EHMT2: variants seen among roughly 807,000 people sequenced by gnomAD.
EHMT2 encodes the protein histone-lysine N-methyltransferase EHMT2.
EHMT2 carries 59 observed loss-of-function variants against 143.3 expected under a neutral mutation model. The observed-to-expected ratio is 0.41, with a 90% CI of 0.33 to 0.51. The LOEUF (loss-of-function observed/expected upper bound fraction) is 0.51, where lower values mean the gene tolerates loss of function less well. EHMT2 is among the 20% of genes least tolerant of loss of function. The pLI, the probability that EHMT2 is intolerant of heterozygous loss-of-function variation, is 0.18. For missense variants in EHMT2, 1,174 were observed against 1,645.9 expected (o/e 0.71, Z 4.96); for synonymous variants, 604 against 651.5 (o/e 0.93, Z 1.11).
chr6:31,887,955 C>A (rs770053575), exon 14 of EHMT2: 1 of 1,593,004 alleles, frequency 6.3e-7, no homozygotes, highest in African/African-American at 1.3e-5. Context: ...GCCCTCGCAT[C>A]CGGGCACTGT....
intron 4 of EHMT2, chr6:31,895,450 A>T (rs147257059): frequency 6.6e-6 from 1 of 151,130 alleles, no homozygotes; most frequent in African/African-American, 2.4e-5. Context: ...GCCCAGAGTC[A>T]GCCTGTTTTT....
chr6:31,889,013 G>A lies in EHMT2; in HGVS notation c.1172C>T (p.Ser391Phe), dbSNP rs1243284523. Residue 391 changes from serine (S) to phenylalanine (F), a missense_variant, in exon 10 of 28, where the codon TCC becomes TTC. Physicochemically the swap from Ser to Phe is radical, Grantham distance 155. Around this residue, in one of 6 missense-constraint regions of EHMT2, gnomAD observed 608 missense variants for 903.7 expected, o/e 0.67. Transcript: ENST00000375537. The surrounding 1 kb of genome is among the most constrained non-coding windows in gnomAD (Gnocchi z 5.1). ...GGTCCCCTCGCTGGGCAGCTCCAGG[G>A]ACCCCAGAGGGACCTCCATGTACTC... The A allele has an allele frequency of 5.6e-6, 9 of 1,601,166 alleles. No individual in the cohort carries two copies. The highest frequency in any genetic ancestry group is 6.8e-6 in the Non-Finnish European group (8 of 1,176,188).
rs770761450 is a variant in EHMT2, at chr6:31,884,470, C to G, written c.2693G>C (p.Trp898Ser). The change falls in exon 21 of 28, where the codon TGG becomes TCG. Residue 898 changes from tryptophan (W) to serine (S), a missense_variant. Coordinates refer to ENST00000375537, the Ensembl canonical transcript of EHMT2. The surrounding 1 kb of genome is among the most constrained non-coding windows in gnomAD (Gnocchi z 7.3). The stretch of plus-strand genomic sequence containing the variant: ...CTTGCGGTTGAGTTGAAGCGCAAAC[C>G]ACACGTCGGAGCGCTCGGGAGTCAG... The G allele has an allele frequency of 1.3e-5, 21 of 1,612,866 alleles. No individual in the cohort carries two copies. In the South Asian group the frequency reaches 2.1e-4, roughly 16 times the overall value.
intron 4 of EHMT2, 73 bp downstream of exon 4, chr6:31,896,190 G>C (rs1328395689): frequency 2.6e-6 from 4 of 1,529,760 alleles, no homozygotes; most frequent in Middle Eastern, 1.8e-4. Flanking sequence ...TGGAGTAGAA[G>C]CCTTAAGTGA....
chr6:31,891,099 C>A (rs1015761558), intron 7 of EHMT2, among the ~76,000 whole-genome samples: 1 of 151,964 alleles, frequency 6.6e-6, no homozygotes, highest in African/African-American at 2.4e-5. Context: ...CGTACCACTA[C>A]GTCCAGCTAA....
rs148424397 is a variant in EHMT2 at position 31,883,395 on chromosome 6, G to A, written c.2961C>T (p.Cys987=). Reference sequence around the variant, plus strand: ...ACCAGCACCGGATGCTGAGCTGGCCGCACAGGCAGTTGGAGCTAGAGCAGT... The same window carrying A: ...ACCAGCACCGGATGCTGAGCTGGCCACACAGGCAGTTGGAGCTAGAGCAGT... Residue 987 remains cysteine (C), a synonymous_variant, in exon 23 of 28, where the codon TGC becomes TGT. Coordinates refer to ENST00000375537, the Ensembl canonical transcript of EHMT2. The surrounding 1 kb of genome is among the most constrained non-coding windows in gnomAD (Gnocchi z 5.6). The A allele has an allele frequency of 1.2e-3, 1,999 of 1,612,886 alleles. 13 individuals are homozygous for A. Among genetic ancestry groups the A allele is most frequent in the Non-Finnish European group, 1.5e-3 (1,816 of 1,179,942 alleles).
chr6:31,894,016 C>G (rs1188009076), intron 4 of EHMT2, among the ~76,000 whole-genome samples: 4 of 151,986 alleles, frequency 2.6e-5, no homozygotes, highest in Non-Finnish European at 4.4e-5. Context: ...ACTCTGTTGC[C>G]CAAGCTGGAG....
At position 31,896,598 on chromosome 6, in the gene EHMT2, C is replaced by G. The variant is rs558127772; in HGVS notation, c.328+8G>C. ...CCCACCAACCCCCCAGGCTACCCAG[C>G]CTCTCACCCAGCAGGATCCGGCCCC... On this transcript the variant is annotated splice_region_variant and intron_variant, in intron 3 of 27. Transcript: ENST00000375537. The G allele has an allele frequency of 6.3e-7, 1 of 1,586,532 alleles. No individual in the cohort carries two copies. Among genetic ancestry groups the G allele is most frequent in the South Asian group, 1.2e-5 (1 of 86,144 alleles).
rs751337028 is a variant in EHMT2 at position 31,896,994 on chromosome 6, G to C, written c.43-5C>G. 4 of 1,564,486 alleles carry C rather than the reference G, an allele frequency of 2.6e-6. No homozygotes were observed. Among genetic ancestry groups the C allele is most frequent in the Non-Finnish European group, 3.4e-6 (4 of 1,159,852 alleles). ...CATCTCAGCGGGGGCCTCCCCCTGG[G>C]AGGGGAGACAAGGGACAGGAGGGCT... On this transcript the variant is annotated splice_polypyrimidine_tract_variant and splice_region_variant and intron_variant, in intron 1 of 27. Transcript: ENST00000375537.
At chr6:31,886,086 C>CAA (rs35648327) in intron 18 of EHMT2, 17 of 102,512 alleles carry the variant, frequency 1.7e-4, no homozygotes, top group Admixed American at 3.2e-4. Flanking sequence ...GACTCCGTCT[C>CAA]AAAAAAAAAA....
intron 18 of EHMT2, 156 bp from the exon 19 acceptor site, chr6:31,885,172 T>A: frequency 9.3e-7 from 1 of 1,072,978 alleles, no homozygotes; most frequent in Non-Finnish European, 1.3e-6. Context: ...CGCAGTTTCT[T>A]CATCTAAAAA....
rs936260287 is a variant in EHMT2, at chr6:31,888,941, G to C, written c.1216+28C>G. ...CCTGCCCTGAGGTCGCCCCCTAGTGGCTCCCTGTCCCGGCAATTGGCAATT... is the reference window on the plus strand; with the variant it reads ...CCTGCCCTGAGGTCGCCCCCTAGTGCCTCCCTGTCCCGGCAATTGGCAATT... On this transcript the variant is annotated intron_variant, in intron 10 of 27. Transcript: ENST00000375537. The surrounding 1 kb of genome is among the most constrained non-coding windows in gnomAD (Gnocchi z 7.4). The C allele has an allele frequency of 1.1e-5, 18 of 1,575,936 alleles. No homozygotes were observed. The highest frequency in any genetic ancestry group is 1.5e-5 in the Non-Finnish European group (17 of 1,159,898).
chr6:31,889,628 T>C lies in EHMT2; in HGVS notation c.865-26A>G, dbSNP rs1765425560. On this transcript the variant is annotated intron_variant, in intron 7 of 27. Transcript: ENST00000375537. This position sits in a 1 kb window ranked among gnomAD's most constrained non-coding sequence, Gnocchi z 5.1. ...CTGGGAGAGAGGCAGAACAGACATA[T>C]CCAACCCCCAGGACTCAGACAATGA... 2 of 1,606,864 alleles carry C rather than the reference T, an allele frequency of 1.2e-6. No individual in the cohort carries two copies. The highest frequency in any genetic ancestry group is 1.7e-5 in the Admixed American group (1 of 59,900).
rs1765120210 is a variant in EHMT2 at position 31,888,008 on chromosome 6, G to A, written c.1745+33C>T. The A allele has an allele frequency of 6.4e-7, 1 of 1,567,662 alleles. No homozygotes were observed. Among genetic ancestry groups the A allele is most frequent in the Non-Finnish European group, 8.7e-7 (1 of 1,155,284 alleles). ...TCCAGGAGCAATAGGGGTGGGGGAG[G>A]GAACAGACAGTACAGAAGGGGGAGG... On this transcript the variant is annotated intron_variant, in intron 13 of 27. Transcript: ENST00000375537. The surrounding 1 kb of genome is among the most constrained non-coding windows in gnomAD (Gnocchi z 7.4).
Position 31,880,090 on chromosome 6 carries a change from G to A in EHMT2, c.3627C>T (p.Asn1209=). The A allele has an allele frequency of 6.2e-7, 1 of 1,612,518 alleles. No homozygotes were observed. Among genetic ancestry groups the A allele is most frequent in the East Asian group, 2.2e-5 (1 of 44,886 alleles). ...GAGAGGGTGTGGTCCGTTCTCATGTGTTGACAGGGGGCAGGGAGCCGAGCT... is the reference window on the plus strand; with the variant it reads ...GAGAGGGTGTGGTCCGTTCTCATGTATTGACAGGGGGCAGGGAGCCGAGCT... The change falls in exon 28 of 28, where the codon AAC becomes AAT. Residue 1209 remains asparagine (N), a synonymous_variant. Coordinates refer to ENST00000375537, the Ensembl canonical transcript of EHMT2. This position sits in a 1 kb window ranked among gnomAD's most constrained non-coding sequence, Gnocchi z 6.6.
At chr6:31,886,602 T>A (rs1176445803) in exon 18 of EHMT2, 1 of 1,612,944 alleles carries the variant, frequency 6.2e-7, no homozygotes, top group Admixed American at 1.7e-5. Context: ...CGTCCACCTG[T>A]CCTGTGCTCA....
chr6:31,889,384 AG>A lies in EHMT2; in HGVS notation c.1000-43del, dbSNP rs1230607489. The A allele has an allele frequency of 6.2e-7, 1 of 1,608,688 alleles. No homozygotes were observed. ...GGAGGAGTTAGGAACCCTCACCCCC[AG>A]GGGCCCCCCCAACACCTTCAGGACC... On this transcript the variant is annotated intron_variant, in intron 8 of 27. Transcript: ENST00000375537. This position sits in a 1 kb window ranked among gnomAD's most constrained non-coding sequence, Gnocchi z 5.1.
rs1765388085 is a variant in EHMT2 at position 31,889,415 on chromosome 6, C to T, written c.999+53G>A. ...CCCCCCAACACCTTCAGGACCAGAC[C>T]TCCAGCCCCATAGTCTCCCACTCCT... On this transcript the variant is annotated intron_variant, in intron 8 of 27. Coordinates refer to ENST00000375537, the Ensembl canonical transcript of EHMT2. The surrounding 1 kb of genome is among the most constrained non-coding windows in gnomAD (Gnocchi z 5.1). 1.9e-6 allele frequency: 3 copies of T among 1,608,550 alleles called. No homozygotes were observed. Among genetic ancestry groups the T allele is most frequent in the Admixed American group, 3.4e-5 (2 of 59,656 alleles).
Position 31,886,982 on chromosome 6 carries a change from G to A in EHMT2, c.2118+13C>T, listed in dbSNP as rs756188508. 1.2e-6 allele frequency: 2 copies of A among 1,613,934 alleles called. No homozygotes were observed. The highest frequency in any genetic ancestry group is 1.7e-5 in the Admixed American group (1 of 60,024). ...GCCTGGTGAATGAGGCATGGGGCCG[G>A]GCCCGTGCTGACCTGCAGCAGCACA... On this transcript the variant is annotated intron_variant, in intron 16 of 27. Transcript: ENST00000375537.
Sources: gnomAD v4.1 joint callset for allele counts (sites outside exome capture counted in the v4.1 genomes callset) on GRCh38, gnomAD v4.1.1 for gene constraint, gnomAD v4.1.1 regional missense constraint, Gnocchi (gnomAD v3.1) non-coding constraint, MANE v1.5 for transcripts, NCBI Gene and HGNC (gene_info 2026-07-23, HGNC 2026-07-21) for gene names.